ZC3H3: variants seen among roughly 807,000 people sequenced by gnomAD.
ZC3H3 encodes the protein zinc finger CCCH-type containing 3.
ZC3H3 carries 36 observed loss-of-function variants against 77.3 expected under a neutral mutation model. That is an observed-to-expected ratio of 0.47 (90% CI 0.36 to 0.61). ZC3H3 has a LOEUF of 0.61. Ranked by LOEUF, ZC3H3 falls within the 20% of genes least tolerant of loss-of-function variation. ZC3H3 has a pLI of 0.00. For missense variants in ZC3H3, 1,331 were observed against 1,312.2 expected (o/e 1.01, Z -0.22); for synonymous variants, 626 against 555.2 (o/e 1.13, Z -1.79).
Position 143,541,432 on chromosome 8 carries a change from C to G in ZC3H3, c.-11G>C. On this transcript the variant is annotated 5_prime_UTR_variant, in exon 1 of 12. Transcript: ENST00000262577. ...CTCCTTTTCCTCCATCTCCCGAGTC[C>G]GCGACGGCCGGCCAGGCCCCCACGA... 3.1e-6 allele frequency: 5 copies of G among 1,611,536 alleles called. No homozygotes were observed. Among genetic ancestry groups the G allele is most frequent in the Non-Finnish European group, 4.2e-6 (5 of 1,179,302 alleles).
chr8:143,472,576 G>T (rs2004099), intron 5 of ZC3H3, among the ~76,000 whole-genome samples: 78,910 of 151,930 alleles, frequency 0.52, 22,494 homozygotes, highest in East Asian at 0.81. Flanking sequence ...GGTGGGCACC[G>T]TGTCTGAGGG....
intron 4 of ZC3H3, among the ~76,000 whole-genome samples, chr8:143,479,718 A>T (rs574648391): frequency 1.6e-4 from 24 of 152,352 alleles, no homozygotes; most frequent in Middle Eastern, 3.4e-3. Context: ...ATTTACTCCG[A>T]ACAGAAGTGA....
rs1821271961 is a variant in ZC3H3 at position 143,493,859 on chromosome 8, C to T, written c.1715+13887G>A. On this transcript the variant is annotated intron_variant, in intron 4 of 11. Coordinates refer to ENST00000262577, the MANE Select transcript of ZC3H3 (RefSeq NM_015117.3). This position sits in a 1 kb window ranked among gnomAD's most constrained non-coding sequence, Gnocchi z 4.8. The stretch of plus-strand genomic sequence containing the variant: ...CCGAGTGGTTTAAATTGAAAACCCC[C>T]AACTGAATCAATATTTACTGCATTG... Among the ~76,000 whole-genome samples the T allele has an allele frequency of 6.6e-6, 1 of 152,156 alleles. No homozygotes were observed.
At chr8:143,537,954 C>T in intron 2 of ZC3H3, 49 bp downstream of exon 2, 1 of 1,515,098 alleles carries the variant, frequency 6.6e-7, no homozygotes, top group Non-Finnish European at 8.9e-7. Flanking sequence ...GCCAAACAAA[C>T]CCTCCTCACA....
intron 4 of ZC3H3, among the ~76,000 whole-genome samples, chr8:143,482,425 C>T (rs1040836123): frequency 2.6e-5 from 4 of 152,204 alleles, no homozygotes; most frequent in Non-Finnish European, 5.9e-5. Context: ...CGAGAACACA[C>T]CCAAGTGTGT....
intron 4 of ZC3H3, among the ~76,000 whole-genome samples, chr8:143,490,993 C>T (rs540215888): frequency 2.0e-5 from 3 of 152,218 alleles, no homozygotes; most frequent in East Asian, 1.9e-4. Flanking sequence ...TTTAAAACGG[C>T]GGCACCCAGG....
chr8:143,481,078 C>T (rs192718347), intron 4 of ZC3H3, among the ~76,000 whole-genome samples: 1 of 152,358 alleles, frequency 6.6e-6, no homozygotes, highest in East Asian at 1.9e-4. Flanking sequence ...GACACCCTCC[C>T]TGAGGCTCTG....
chr8:143,506,819 C>A (rs1002362123), intron 4 of ZC3H3, among the ~76,000 whole-genome samples: 21 of 152,256 alleles, frequency 1.4e-4, no homozygotes, highest in Non-Finnish European at 2.6e-4. Context: ...GTGGGTGGAT[C>A]CCCTGGGGTT....
chr8:143,480,456 C>G, intron 4 of ZC3H3, among the ~76,000 whole-genome samples: 1 of 152,250 alleles, frequency 6.6e-6, no homozygotes, highest in South Asian at 2.1e-4. Flanking sequence ...GTGGGCCGTG[C>G]AGGCTGAGAG....
At chr8:143,464,706 T>C (rs183735778) in intron 9 of ZC3H3, among the ~76,000 whole-genome samples, 5 of 152,248 alleles carry the variant, frequency 3.3e-5, no homozygotes, top group Admixed American at 6.5e-5. Context: ...CTGCAGACCC[T>C]GAGGCAGCGC....
chr8:143,453,258 GTT>G (rs1323319350), intron 9 of ZC3H3, among the ~76,000 whole-genome samples: 1 of 20,522 alleles, frequency 4.9e-5, no homozygotes, highest in African/African-American at 2.2e-4. Context: ...TTGTTTTTTT[GTT>G]TTTTTTTTTA....
intron 9 of ZC3H3, among the ~76,000 whole-genome samples, chr8:143,455,446 A>G (rs1820090835): frequency 6.6e-6 from 1 of 152,144 alleles, no homozygotes; most frequent in African/African-American, 2.4e-5. Flanking sequence ...CAGTGGACAG[A>G]GGTTGTGCCA....
intron 3 of ZC3H3, among the ~76,000 whole-genome samples, chr8:143,535,731 C>T (rs1822773725): frequency 6.6e-6 from 1 of 152,238 alleles, no homozygotes; most frequent in Non-Finnish European, 1.5e-5. Context: ...GGGCTCAGAC[C>T]AGTTCTCTCC....
chr8:143,501,869 G>A (rs1821536239), intron 4 of ZC3H3, among the ~76,000 whole-genome samples: 2 of 152,266 alleles, frequency 1.3e-5, no homozygotes, highest in African/African-American at 4.8e-5. Flanking sequence ...TCAGAAGATG[G>A]CGAGAACCCT....
chr8:143,457,991 C>T (rs917518552), intron 9 of ZC3H3, among the ~76,000 whole-genome samples: 1 of 152,014 alleles, frequency 6.6e-6, no homozygotes, highest in African/African-American at 2.4e-5. Flanking sequence ...TAAGAGCAGA[C>T]AGCCCAATGA....
chr8:143,474,011 C>T (rs898207244), intron 5 of ZC3H3, among the ~76,000 whole-genome samples: 1 of 152,192 alleles, frequency 6.6e-6, no homozygotes, highest in African/African-American at 2.4e-5. Context: ...GAAGGCCCTG[C>T]TGGGTGACAG....
intron 3 of ZC3H3, among the ~76,000 whole-genome samples, chr8:143,518,647 G>A (rs1023482758): frequency 1.3e-5 from 2 of 152,246 alleles, no homozygotes; most frequent in Non-Finnish European, 2.9e-5. Context: ...TGTGCCCTGA[G>A]GGCCTCCTCC....
intron 1 of ZC3H3, among the ~76,000 whole-genome samples, chr8:143,541,163 G>A (rs1374198162): frequency 6.6e-6 from 1 of 152,200 alleles, no homozygotes; most frequent in Non-Finnish European, 1.5e-5. Context: ...AGCCCCAGCA[G>A]GGCCGGCACC....
In ZC3H3 at chr8:143,538,173, G is replaced by A. The variant is rs759333295; in HGVS notation, c.1194C>T (p.Ala398=). 7 of 1,612,922 alleles carry A rather than the reference G, an allele frequency of 4.3e-6. No homozygotes were observed. Among genetic ancestry groups the A allele is most frequent in the African/African-American group, 1.3e-5 (1 of 75,054 alleles). The stretch of plus-strand genomic sequence containing the variant: ...GCTGGGAGGCATGGTCCTTGCTGCT[G>A]GCCTCCGACTGCCAACGGAAGGAGG... ...SSSSFRWQSE[A]SSKDHASQLS... is the part of the protein sequence containing the mutation. Residue 398 remains alanine (A), a synonymous_variant, in exon 2 of 12, where the codon GCC becomes GCT. Coordinates refer to ENST00000262577, the MANE Select transcript of ZC3H3 (RefSeq NM_015117.3).
Sources: allele counts gnomAD v4.1 joint callset (sites outside exome capture counted in the v4.1 genomes callset), GRCh38; gene constraint gnomAD v4.1.1; non-coding constraint Gnocchi (gnomAD v3.1); transcripts MANE v1.5; gene names NCBI Gene and HGNC (gene_info 2026-07-23, HGNC 2026-07-21).